Variants in GPM6A observed in about 807,000 individuals in gnomAD.
GPM6A encodes the protein glycoprotein M6A.
A neutral mutation model predicts 32.1 loss-of-function variants in GPM6A; 7 were observed. The observed-to-expected ratio is 0.22, with a 90% CI of 0.12 to 0.41. The LOEUF (loss-of-function observed/expected upper bound fraction) is 0.41, where lower values mean the gene tolerates loss of function less well. GPM6A is among the 10% of genes least tolerant of loss of function. The probability of loss-of-function intolerance (pLI) is 1.00; values close to 1 mark genes in which losing one functional copy is unlikely to be tolerated. For missense variants in GPM6A, 235 were observed against 347.2 expected (o/e 0.68, Z 2.57); for synonymous variants, 130 against 123.4 (o/e 1.05, Z -0.35).
chr4:175,637,281 T>TTATATTA (rs1740733099), intron 6 of GPM6A, among the ~76,000 whole-genome samples: 5 of 56,008 alleles, frequency 8.9e-5, no homozygotes, highest in East Asian at 5.9e-4. Context: ...ATATTATATA[T>TTATATTA]TATATAAAAT....
At chr4:175,852,854 C>T (rs1736300726) in intron 1 of GPM6A, among the ~76,000 whole-genome samples, 1 of 152,132 alleles carries the variant, frequency 6.6e-6, no homozygotes, top group African/African-American at 2.4e-5. Context: ...TTTCACACAT[C>T]CTTACAGCAA....
chr4:175,659,600 C>A (rs13130095), intron 3 of GPM6A, among the ~76,000 whole-genome samples: 138,675 of 152,184 alleles, frequency 0.91, 64,490 homozygotes, highest in East Asian at 1. Context: ...GTCTAAAGCC[C>A]CAAAATGATA....
intron 1 of GPM6A, among the ~76,000 whole-genome samples, chr4:175,857,392 G>A (rs1009606776): frequency 6.6e-6 from 1 of 152,114 alleles, no homozygotes; most frequent in Non-Finnish European, 1.5e-5. Flanking sequence ...CTTGAAGGTA[G>A]ATTCTGATAA....
intron 1 of GPM6A, among the ~76,000 whole-genome samples, chr4:175,924,541 A>G (rs942564789): frequency 6.6e-6 from 1 of 152,076 alleles, no homozygotes; most frequent in South Asian, 2.1e-4. Context: ...CCTGAGAACG[A>G]ATCAAGAGAA....
At chr4:175,819,727 A>G (rs1486298055) in intron 1 of GPM6A, among the ~76,000 whole-genome samples, 1 of 152,226 alleles carries the variant, frequency 6.6e-6, no homozygotes, top group African/African-American at 2.4e-5. Flanking sequence ...ATATCCGCCT[A>G]CACTTATGTA....
intron 1 of GPM6A, among the ~76,000 whole-genome samples, chr4:176,000,431 T>C (rs1741441693): frequency 6.6e-6 from 1 of 152,178 alleles, no homozygotes; most frequent in Non-Finnish European, 1.5e-5. Context: ...TTGTTAATTA[T>C]CCATGGGCAT....
At chr4:175,757,741 A>G (rs1375780867) in intron 1 of GPM6A, among the ~76,000 whole-genome samples, 1 of 152,184 alleles carries the variant, frequency 6.6e-6, no homozygotes, top group Non-Finnish European at 1.5e-5. Context: ...AGAGAATCAT[A>G]TGCTCATTAG....
At chr4:175,734,315 G>T (rs887275335) in intron 1 of GPM6A, among the ~76,000 whole-genome samples, 2 of 151,864 alleles carry the variant, frequency 1.3e-5, no homozygotes, top group African/African-American at 4.8e-5. Context: ...AATTAAATTG[G>T]CTCACTACTG....
rs374571140 is a variant in GPM6A, at chr4:175,799,671, C to CTTT, written c.37+12517_37+12519dup. 1.1e-4 allele frequency among the ~76,000 whole-genome samples: 14 copies of CTTT among 122,090 alleles called. 1 individual carries two copies. Among genetic ancestry groups the CTTT allele is most frequent in the East Asian group, 5.1e-4 (2 of 3,898 alleles). 80.1% of individuals were successfully genotyped at this position (122,090 alleles called of 152,430 possible). On this transcript the variant is annotated intron_variant, in intron 1 of 6. Coordinates refer to ENST00000393658, the MANE Select transcript of GPM6A (RefSeq NM_201591.3). ...TCACCCTAAAAGTAGCAAGTGTTTT[C>CTTT]TTTTTTTTTTTTTTGAGACGGAGTC...
chr4:175,673,139 A>T (rs574160975), intron 3 of GPM6A, among the ~76,000 whole-genome samples: 75 of 152,300 alleles, frequency 4.9e-4, no homozygotes, highest in African/African-American at 1.7e-3. Context: ...CCACTCATGC[A>T]TTAATAGATA....
intron 1 of GPM6A, among the ~76,000 whole-genome samples, chr4:175,772,435 C>T (rs1278525555): frequency 6.6e-6 from 1 of 152,306 alleles, no homozygotes; most frequent in South Asian, 2.1e-4. Flanking sequence ...ACAAAGAGCT[C>T]TGTCGCATCC....
intron 1 of GPM6A, among the ~76,000 whole-genome samples, chr4:175,791,323 T>C (rs1734005553): frequency 6.6e-6 from 1 of 152,178 alleles, no homozygotes; most frequent in Non-Finnish European, 1.5e-5. Flanking sequence ...TTTTAAGAAA[T>C]GCATCTAAAA....
At chr4:175,821,245 G>A (rs1735268972) in intron 1 of GPM6A, among the ~76,000 whole-genome samples, 1 of 152,094 alleles carries the variant, frequency 6.6e-6, no homozygotes, top group South Asian at 2.1e-4. Context: ...TCATAAAGTT[G>A]AGAACATTTT....
chr4:175,881,833 G>A (rs1206250752), intron 1 of GPM6A, among the ~76,000 whole-genome samples: 5 of 151,834 alleles, frequency 3.3e-5, no homozygotes, highest in Admixed American at 3.3e-4. Context: ...ACACACTGGG[G>A]CCTGTTGCAG....
At chr4:175,796,517 T>C (rs1734235498) in intron 1 of GPM6A, among the ~76,000 whole-genome samples, 1 of 152,172 alleles carries the variant, frequency 6.6e-6, no homozygotes, top group Admixed American at 6.5e-5. Context: ...ACAACCAGTA[T>C]ATAGCAGAGT....
At chr4:175,923,164 C>A (rs1423593896) in intron 1 of GPM6A, among the ~76,000 whole-genome samples, 4 of 149,650 alleles carry the variant, frequency 2.7e-5, no homozygotes, top group Non-Finnish European at 4.4e-5. Context: ...ACAGTTATTA[C>A]AAACTTTGTC....
chr4:175,918,829 T>C (rs1738578212), intron 1 of GPM6A, among the ~76,000 whole-genome samples: 1 of 152,164 alleles, frequency 6.6e-6, no homozygotes, highest in South Asian at 2.1e-4. Flanking sequence ...TGTCTCTAGT[T>C]ATTAATAAGA....
At position 175,635,156 on chromosome 4, in the gene GPM6A, G is replaced by A. The variant is rs1405875501; in HGVS notation, c.685-99C>T. The A allele has an allele frequency of 4.7e-6, 4 of 842,516 alleles. No individual in the cohort carries two copies. The African/African-American group carries it at 5.2e-5, about 11-fold the overall frequency. The allele number at this position is 842,516 out of a possible 1,614,324, so 52.2% of individuals were successfully genotyped here. ...AGTCTTCGAATTATAGCTCTTTATA[G>A]GAAATGTTCACATATAAAATGGAAA... is the stretch of plus-strand genomic sequence containing the variant. On this transcript the variant is annotated intron_variant, in intron 6 of 6. Transcript: ENST00000393658.
chr4:175,718,097 C>T (rs1195555186), intron 1 of GPM6A, among the ~76,000 whole-genome samples: 1 of 152,080 alleles, frequency 6.6e-6, no homozygotes, highest in Admixed American at 6.5e-5. Flanking sequence ...ATGGCAATAG[C>T]TTATGTTACG....
Sources: allele counts gnomAD v4.1 joint callset (sites outside exome capture counted in the v4.1 genomes callset), GRCh38; gene constraint gnomAD v4.1.1; transcripts MANE v1.5; gene names NCBI Gene and HGNC (gene_info 2026-07-23, HGNC 2026-07-21).